The following PCLO variants were observed in gnomAD, a reference collection of about 807,000 sequenced individuals.
PCLO encodes piccolo presynaptic cytomatrix protein, also known as protein piccolo.
A neutral mutation model predicts 427.5 loss-of-function variants in PCLO; 82 were observed. The ratio of observed to expected loss-of-function variants is 0.19; its 90% CI spans 0.16 to 0.23. The LOEUF is 0.23. Among genes scored for constraint, PCLO ranks in the 10% least tolerant of loss-of-function variants. The pLI is 1.00. For synonymous variants in PCLO, 2,357 were observed against 2,155.4 expected, an observed-to-expected ratio of 1.09 and a Z score of -2.59; for missense variants, 6,239 against 6,115.9, an observed-to-expected ratio of 1.02 and a Z score of -0.67.
intron 3 of PCLO, among the ~76,000 whole-genome samples, chr7:83,080,916 C>T (rs1790082437): frequency 6.6e-6 from 1 of 151,326 alleles, no homozygotes; most frequent in South Asian, 2.1e-4. Flanking sequence ...AGATTAGCAA[C>T]AATAACTAAT....
chr7:82,930,898 G>C (rs1794825065), intron 6 of PCLO, among the ~76,000 whole-genome samples: 1 of 152,020 alleles, frequency 6.6e-6, no homozygotes, highest in Admixed American at 6.6e-5. Flanking sequence ...AATTTCTATG[G>C]AACACCATTG....
At chr7:83,131,324 C>T (rs183845316) in intron 3 of PCLO, among the ~76,000 whole-genome samples, 11 of 152,100 alleles carry the variant, frequency 7.2e-5, no homozygotes, top group South Asian at 2.1e-4. Flanking sequence ...TGCAGGCAGC[C>T]GTTGGCACTC....
At chr7:83,125,579 C>A (rs915867059) in intron 3 of PCLO, among the ~76,000 whole-genome samples, 1 of 152,168 alleles carries the variant, frequency 6.6e-6, no homozygotes, top group Non-Finnish European at 1.5e-5. Context: ...TAATCTATAA[C>A]CTTACCCCCA....
Position 83,030,517 on chromosome 7 carries a change from G to T in PCLO, c.3301-64030C>A, listed in dbSNP as rs143805327. 3.2e-3 allele frequency among the ~76,000 whole-genome samples: 488 copies of T among 152,140 alleles called. 2 individuals carry two copies. The highest frequency in any genetic ancestry group is 0.011 in the African/African-American group (440 of 41,516). On this transcript the variant is annotated intron_variant, in intron 3 of 24. Coordinates refer to ENST00000333891, the MANE Select transcript of PCLO (RefSeq NM_033026.6). The stretch of plus-strand genomic sequence containing the variant: ...CAACTCCTATCTCTGTAGCCCTTTT[G>T]TGTCTGTTCAATTTATACTGCAGTA...
In PCLO at chr7:82,821,799, G is replaced by C. The variant is rs183425768; in HGVS notation, c.14791+696C>G. The C allele has an allele frequency of 1.6e-5, 16 of 981,136 alleles. No homozygotes were observed. The Admixed American group carries it at 9.8e-4, about 60-fold the overall frequency. 60.8% of individuals were successfully genotyped at this position (981,136 alleles called of 1,614,324 possible). Reference sequence around the variant, plus strand: ...CCCAATTGTGCTCCTCAGTGAGGTTGCATTGCCTTATCACATATGCTTATA... The same window carrying C: ...CCCAATTGTGCTCCTCAGTGAGGTTCCATTGCCTTATCACATATGCTTATA... On this transcript the variant is annotated intron_variant, in intron 20 of 24. Coordinates refer to ENST00000333891, the MANE Select transcript of PCLO (RefSeq NM_033026.6).
At chr7:83,076,276 CT>C (rs200873390) in intron 3 of PCLO, among the ~76,000 whole-genome samples, 44 of 146,524 alleles carry the variant, frequency 3.0e-4, no homozygotes, top group Admixed American at 3.4e-4. Flanking sequence ...CCATTCACTT[CT>C]TTTTTTTTTT....
chr7:83,160,211 TAA>T (rs1792398906), intron 1 of PCLO, among the ~76,000 whole-genome samples: 1 of 152,122 alleles, frequency 6.6e-6, no homozygotes, highest in Admixed American at 6.5e-5. Flanking sequence ...TAGCCTTATT[TAA>T]AGGCAAGGAA....
At chr7:82,949,346 G>C (rs1795277203) in intron 6 of PCLO, 130 bp downstream of exon 6, 3 of 700,074 alleles carry the variant, frequency 4.3e-6, no homozygotes, top group South Asian at 3.6e-5. Context: ...AAATTTCTAA[G>C]GCAATAATCT....
Position 83,022,529 on chromosome 7 carries a change from G to A in PCLO, c.3301-56042C>T, listed in dbSNP as rs573494156. ...CTTGAAGACCATAGGATTGTTTTTC[G>A]AATCACCACCTAATATTGTTGGCAA... On this transcript the variant is annotated intron_variant, in intron 3 of 24. Coordinates refer to ENST00000333891, the MANE Select transcript of PCLO (RefSeq NM_033026.6). Among the ~76,000 whole-genome samples, 7 of 152,102 alleles carry A rather than the reference G, an allele frequency of 4.6e-5. No individual in the cohort carries two copies. The East Asian group carries it at 1.4e-3, about 29-fold the overall frequency.
intron 2 of PCLO, among the ~76,000 whole-genome samples, chr7:83,152,180 G>A (rs1465154384): frequency 2.6e-5 from 4 of 152,102 alleles, no homozygotes; most frequent in Non-Finnish European, 5.9e-5. Flanking sequence ...TAGCCAGGAT[G>A]GTCTCAATCT....
intron 3 of PCLO, among the ~76,000 whole-genome samples, chr7:83,084,581 GTTA>G (rs2116411344): frequency 6.6e-6 from 1 of 152,218 alleles, no homozygotes; most frequent in Non-Finnish European, 1.5e-5. Context: ...AAGAATAAAT[GTTA>G]TTATGTTGTT....
At chr7:83,034,761 A>G (rs534955028) in intron 3 of PCLO, among the ~76,000 whole-genome samples, 14 of 152,280 alleles carry the variant, frequency 9.2e-5, no homozygotes, top group African/African-American at 3.1e-4. Context: ...TTTATTTTCT[A>G]GTCATTATGT....
intron 3 of PCLO, among the ~76,000 whole-genome samples, chr7:83,021,307 C>T (rs55672333): frequency 0.16 from 24,992 of 152,058 alleles, 3,032 homozygotes; most frequent in East Asian, 0.59. Context: ...TGGTCTGTTA[C>T]TGTGCAGCAG....
At chr7:82,821,188 T>G (rs114143802) in intron 20 of PCLO, 27 of 995,256 alleles carry the variant, frequency 2.7e-5, no homozygotes, top group Admixed American at 6.0e-5. Flanking sequence ...TGCCATTGGC[T>G]GGTGGAGGCA....
Position 83,096,918 on chromosome 7 carries a change from TATATA to T in PCLO, c.3300+37327_3300+37331del, listed in dbSNP as rs1407196296. 9.9e-3 allele frequency among the ~76,000 whole-genome samples: 670 copies of T among 67,688 alleles called. 74 individuals carry two copies. The highest frequency in any genetic ancestry group is 0.017 in the Middle Eastern group (2 of 118). The allele number at this position is 67,688 out of a possible 152,430, so 44.4% of individuals were successfully genotyped here. On this transcript the variant is annotated intron_variant, in intron 3 of 24. Transcript: ENST00000333891. The stretch of plus-strand genomic sequence containing the variant: ...ATATTAATATTATATTATCTAAATA[TATATA>T]ATATAATATAATATATTATATATTA...
chr7:82,953,226 A>G lies in PCLO; in HGVS notation c.7727T>C (p.Leu2576Pro). Reference protein sequence around the residue: ...NKSSPRFSKSLTETYVVITLP... With the variant: ...NKSSPRFSKSPTETYVVITLP... ...TGTAATAACTACATAAGTTTCTGTGAGGGATTTGGAAAATCTTGGTGAAGA... is the reference window on the plus strand; with the variant it reads ...TGTAATAACTACATAAGTTTCTGTGGGGGATTTGGAAAATCTTGGTGAAGA... Residue 2576 changes from leucine (L) to proline (P), a missense_variant, in exon 5 of 25, where the codon CTC becomes CCC. Physicochemically the swap from Leu to Pro is moderately conservative, Grantham distance 98. This residue lies in a region of PCLO where 4,677 missense variants were observed against 4,468.4 expected (regional missense o/e 1.05). Transcript: ENST00000333891. The G allele has an allele frequency of 2.5e-6, 4 of 1,613,926 alleles. No homozygotes were observed. The highest frequency in any genetic ancestry group is 3.4e-6 in the Non-Finnish European group (4 of 1,179,864).
intron 3 of PCLO, among the ~76,000 whole-genome samples, chr7:83,001,115 A>G (rs1787812771): frequency 6.6e-6 from 1 of 152,064 alleles, no homozygotes; most frequent in African/African-American, 2.4e-5. Flanking sequence ...TGTTTGTTCT[A>G]TAACATCAAA....
chr7:83,073,459 T>C (rs900991392), intron 3 of PCLO, among the ~76,000 whole-genome samples: 4 of 151,958 alleles, frequency 2.6e-5, no homozygotes, highest in African/African-American at 9.7e-5. Context: ...AAGATAGAAA[T>C]GTAAACAAAG....
chr7:83,115,535 T>C (rs1023563044), intron 3 of PCLO, among the ~76,000 whole-genome samples: 1 of 152,084 alleles, frequency 6.6e-6, no homozygotes, highest in Non-Finnish European at 1.5e-5. Flanking sequence ...TGGAAATGCT[T>C]TAAACGAACA....
Sources: allele counts gnomAD v4.1 joint callset (sites outside exome capture counted in the v4.1 genomes callset), GRCh38; gene constraint gnomAD v4.1.1; regional missense constraint gnomAD v4.1.1; transcripts MANE v1.5; gene names NCBI Gene and HGNC (gene_info 2026-07-23, HGNC 2026-07-21).